The following SH2D4B variants were observed in gnomAD, a reference collection of about 807,000 sequenced individuals.
The protein encoded by SH2D4B is SH2 domain-containing protein 4B.
In SH2D4B, 45 loss-of-function variants were observed where a neutral mutation model predicts 61.5. That is an observed-to-expected ratio of 0.73 (90% CI 0.58 to 0.94). The LOEUF is 0.94. Ranked by LOEUF, SH2D4B falls within the 40% of genes least tolerant of loss-of-function variation. SH2D4B has a pLI of 0.00. For synonymous variants in SH2D4B, 224 were observed against 220.4 expected, an observed-to-expected ratio of 1.02 and a Z score of -0.14; for missense variants, 572 against 574.2, an observed-to-expected ratio of 1.00 and a Z score of 0.04.
chr10:80,613,710 C>G (rs1270201430), intron 6 of SH2D4B, among the ~76,000 whole-genome samples: 2 of 152,176 alleles, frequency 1.3e-5, no homozygotes, highest in African/African-American at 4.8e-5. Flanking sequence ...AGGATACTCC[C>G]CAGCCATGTA....
chr10:80,560,038 A>T (rs935826825), intron 1 of SH2D4B, among the ~76,000 whole-genome samples: 4 of 125,260 alleles, frequency 3.2e-5, no homozygotes, highest in Non-Finnish European at 4.7e-5. Flanking sequence ...ACCAGGCAGG[A>T]GTGCAATGGC....
chr10:80,606,281 T>C (rs956224678), intron 5 of SH2D4B, among the ~76,000 whole-genome samples: 2 of 150,498 alleles, frequency 1.3e-5, no homozygotes, highest in East Asian at 1.9e-4. Context: ...TTTTTTTTTT[T>C]AGTTTTGAGT....
At chr10:80,610,524 G>A (rs1022347682) in intron 6 of SH2D4B, among the ~76,000 whole-genome samples, 13 of 152,276 alleles carry the variant, frequency 8.5e-5, no homozygotes, top group African/African-American at 3.1e-4. Context: ...ACATGTGAGG[G>A]TCAGATGAGC....
In SH2D4B at chr10:80,602,306, T is replaced by TA. The variant is rs1215992183; in HGVS notation, c.644-1267dup. Among the ~76,000 whole-genome samples, 9 of 152,000 alleles carry TA rather than the reference T, an allele frequency of 5.9e-5. No homozygotes were observed. In the East Asian group the frequency reaches 1.7e-3, roughly 29 times the overall value. On this transcript the variant is annotated intron_variant, in intron 4 of 7. Coordinates refer to ENST00000646907, the MANE Select transcript of SH2D4B (RefSeq NM_001388272.1). ...GTGAAGCCCTGTCTCTACAAAAAATTAAAAAACTTAGATGGGCATGGTGGC... is the reference window on the plus strand; with the variant it reads ...GTGAAGCCCTGTCTCTACAAAAAATTAAAAAAACTTAGATGGGCATGGTGGC...
intron 1 of SH2D4B, among the ~76,000 whole-genome samples, chr10:80,564,361 A>G (rs750492096): frequency 1.1e-4 from 17 of 152,166 alleles, no homozygotes; most frequent in African/African-American, 1.2e-4. Flanking sequence ...CCAGCGTCCA[A>G]TTATCAGCCC....
intron 4 of SH2D4B, among the ~76,000 whole-genome samples, chr10:80,589,199 T>G (rs1051975821): frequency 6.6e-6 from 1 of 152,098 alleles, no homozygotes; most frequent in African/African-American, 2.4e-5. Context: ...AGACGGGGTT[T>G]CACCAGGTTG....
intron 1 of SH2D4B, among the ~76,000 whole-genome samples, chr10:80,562,496 T>C (rs1841912877): frequency 6.6e-6 from 1 of 152,254 alleles, no homozygotes; most frequent in Non-Finnish European, 1.5e-5. Flanking sequence ...ACTTAATACA[T>C]ACCACATTTT....
At chr10:80,552,467 A>G (rs919076367) in intron 1 of SH2D4B, among the ~76,000 whole-genome samples, 2 of 152,124 alleles carry the variant, frequency 1.3e-5, no homozygotes, top group African/African-American at 4.8e-5. Context: ...CCCTCATTTC[A>G]GGATGCTAAC....
chr10:80,568,098 T>C (rs1265605471), intron 1 of SH2D4B, among the ~76,000 whole-genome samples: 1 of 152,110 alleles, frequency 6.6e-6, no homozygotes, highest in Non-Finnish European at 1.5e-5. Context: ...ACACTTTTTT[T>C]TTTTTTTGAG....
chr10:80,625,788 G>A (rs995698426), intron 6 of SH2D4B, among the ~76,000 whole-genome samples: 12 of 151,664 alleles, frequency 7.9e-5, no homozygotes, highest in African/African-American at 2.9e-4. Flanking sequence ...TGGCCAGGCT[G>A]GTCTCAATCT....
intron 1 of SH2D4B, among the ~76,000 whole-genome samples, chr10:80,546,750 A>G (rs998857891): frequency 6.6e-6 from 1 of 150,558 alleles, no homozygotes; most frequent in Non-Finnish European, 1.5e-5. Context: ...GATGGTCTCA[A>G]TCTCCTGACC....
At chr10:80,595,547 A>G (rs544465883) in intron 4 of SH2D4B, among the ~76,000 whole-genome samples, 1 of 152,224 alleles carries the variant, frequency 6.6e-6, no homozygotes, top group Admixed American at 6.5e-5. Context: ...TTTCAACACT[A>G]TTGCCCTGGC....
chr10:80,630,271 G>A (rs1028752061), intron 6 of SH2D4B, among the ~76,000 whole-genome samples: 1 of 152,090 alleles, frequency 6.6e-6, no homozygotes, highest in East Asian at 1.9e-4. Flanking sequence ...GCCCTTGACT[G>A]GAAGCACCCT....
chr10:80,579,955 G>A (rs17107073), intron 3 of SH2D4B, among the ~76,000 whole-genome samples: 28,110 of 152,172 alleles, frequency 0.18, 2,969 homozygotes, highest in Non-Finnish European at 0.24. Context: ...TTACCTGTTT[G>A]ATAACTCATT....
intron 1 of SH2D4B, among the ~76,000 whole-genome samples, chr10:80,542,500 C>A (rs537877908): frequency 6.6e-6 from 1 of 150,546 alleles, no homozygotes; most frequent in African/African-American, 2.4e-5. Flanking sequence ...CGGGTTCAAG[C>A]GATTCTCCTG....
At chr10:80,570,390 T>G in intron 2 of SH2D4B, 74 bp downstream of exon 2, 3 of 1,537,470 alleles carry the variant, frequency 2.0e-6, no homozygotes, top group Non-Finnish European at 2.6e-6. Flanking sequence ...CGGCTAATTT[T>G]TGTATTTTTA....
intron 3 of SH2D4B, 74 bp from the exon 4 acceptor site, chr10:80,588,556 C>T: frequency 6.3e-7 from 1 of 1,575,414 alleles, no homozygotes; most frequent in Admixed American, 1.7e-5. Flanking sequence ...CTGCAGAATC[C>T]CAGAGATATT....
chr10:80,629,694 T>C (rs1284958724), intron 6 of SH2D4B, among the ~76,000 whole-genome samples: 2 of 152,240 alleles, frequency 1.3e-5, no homozygotes, highest in Non-Finnish European at 2.9e-5. Context: ...AGTTATATTG[T>C]ATTAGATATT....
chr10:80,568,688 G>A (rs554341169), intron 1 of SH2D4B, among the ~76,000 whole-genome samples: 3 of 152,278 alleles, frequency 2.0e-5, no homozygotes, highest in South Asian at 4.1e-4. Context: ...TGTCGGTCCT[G>A]GTATATGAAG....
Sources: gnomAD v4.1 joint callset for allele counts (sites outside exome capture counted in the v4.1 genomes callset) on GRCh38, gnomAD v4.1.1 for gene constraint, MANE v1.5 for transcripts, NCBI Gene and HGNC (gene_info 2026-07-23, HGNC 2026-07-21) for gene names.